The following KLHL3 variants were observed in gnomAD, a reference collection of about 807,000 sequenced individuals.
KLHL3 encodes kelch-like protein 3.
A neutral mutation model predicts 70.5 loss-of-function variants in KLHL3; 19 were observed. The observed-to-expected ratio is 0.27, with a 90% CI of 0.19 to 0.40. The LOEUF (loss-of-function observed/expected upper bound fraction) is 0.40, where lower values mean the gene tolerates loss of function less well. KLHL3 is among the 10% of genes least tolerant of loss of function. KLHL3 has a pLI of 1.00. For missense variants in KLHL3, 512 were observed against 771.1 expected, an observed-to-expected ratio of 0.66 and a Z score of 3.98; for synonymous variants, 258 against 290.3, an observed-to-expected ratio of 0.89 and a Z score of 1.13.
intron 11 of KLHL3, among the ~76,000 whole-genome samples, chr5:137,634,994 G>T (rs11953842): frequency 0.091 from 13,806 of 152,072 alleles, 1,416 homozygotes; most frequent in African/African-American, 0.26. Context: ...TGGGAACAGG[G>T]GGAGGAGTCA....
At chr5:137,679,553 C>T (rs2149908661) in intron 5 of KLHL3, among the ~76,000 whole-genome samples, 1 of 152,280 alleles carries the variant, frequency 6.6e-6, no homozygotes, top group African/African-American at 2.4e-5. Flanking sequence ...TTCCTTAGAG[C>T]TCGTAAGACT....
rs143041463 is a variant in KLHL3 at position 137,715,645 on chromosome 5, A to ACAT, written c.134+4817_134+4819dup. On this transcript the variant is annotated intron_variant, in intron 2 of 14. Transcript: ENST00000309755. Reference sequence around the variant, plus strand: ...TCCTGAACCTAGCACAGTGCTTAGCACATCATCATCATCATCATCATCATA... The same window carrying ACAT: ...TCCTGAACCTAGCACAGTGCTTAGCACATCATCATCATCATCATCATCATCATA... 8.2e-3 allele frequency among the ~76,000 whole-genome samples: 1,243 copies of ACAT among 151,924 alleles called. 18 individuals carry two copies. The highest frequency in any genetic ancestry group is 0.027 in the African/African-American group (1,110 of 41,472).
rs796957196 is a variant in KLHL3, at chr5:137,639,711, C to CAAA, written c.1021+146_1021+148dup. 760 of 503,954 alleles carry CAAA rather than the reference C, an allele frequency of 1.5e-3. No homozygotes were observed. Among genetic ancestry groups the CAAA allele is most frequent in the South Asian group, 2.7e-3 (108 of 39,496 alleles). The allele number at this position is 503,954 out of a possible 1,614,324, so 31.2% of individuals were successfully genotyped here. A position where few individuals can be genotyped will look rare whatever the true frequency, so the allele number is the denominator to read the frequency against. On this transcript the variant is annotated intron_variant, in intron 9 of 14. Transcript: ENST00000309755. The surrounding 1 kb of genome is among the most constrained non-coding windows in gnomAD (Gnocchi z 5.0). ...TCTGTCTTAAAACAACGACAACAAC[C>CAAA]AAAAAAAAAAAAAAAGTGTGCAGGA...
intron 6 of KLHL3, among the ~76,000 whole-genome samples, chr5:137,665,036 C>A (rs1751579531): frequency 6.6e-6 from 1 of 152,144 alleles, no homozygotes; most frequent in East Asian, 1.9e-4. Flanking sequence ...ACAGTATCTC[C>A]TAAGTACAAT....
chr5:137,717,149 A>T (rs910412857), intron 2 of KLHL3, among the ~76,000 whole-genome samples: 1 of 152,204 alleles, frequency 6.6e-6, no homozygotes, highest in Non-Finnish European at 1.5e-5. Context: ...TGAGACCCCT[A>T]TGGCCAAGGA....
intron 14 of KLHL3, among the ~76,000 whole-genome samples, chr5:137,624,304 T>C (rs149357105): frequency 2.6e-5 from 4 of 152,328 alleles, no homozygotes; most frequent in Non-Finnish European, 5.9e-5. Context: ...GAAAGGGACA[T>C]GAAATATTCA....
At chr5:137,634,304 T>C in intron 11 of KLHL3, 139 bp from the exon 12 acceptor site, 1 of 885,860 alleles carries the variant, frequency 1.1e-6, no homozygotes, top group Non-Finnish European at 1.7e-6. Flanking sequence ...GACCACCAAC[T>C]TACTCCTCAA....
chr5:137,667,281 T>A (rs1751636667), intron 6 of KLHL3, among the ~76,000 whole-genome samples: 1 of 152,228 alleles, frequency 6.6e-6, no homozygotes, highest in African/African-American at 2.4e-5. Flanking sequence ...CTATAAAATC[T>A]AAGCAGAGAC....
chr5:137,637,167 T>A (rs1225016266), intron 11 of KLHL3, 127 bp downstream of exon 11: 1 of 680,908 alleles, frequency 1.5e-6, no homozygotes. Flanking sequence ...AGGATAATAG[T>A]ACCTAACCCA....
intron 8 of KLHL3, among the ~76,000 whole-genome samples, chr5:137,645,963 T>C (rs1305328327): frequency 6.6e-6 from 1 of 152,046 alleles, no homozygotes; most frequent in Non-Finnish European, 1.5e-5. Flanking sequence ...GAATCTAAAA[T>C]TAGAGAACCT....
At chr5:137,682,669 T>A (rs967696779) in intron 5 of KLHL3, among the ~76,000 whole-genome samples, 1 of 152,176 alleles carries the variant, frequency 6.6e-6, no homozygotes, top group African/African-American at 2.4e-5. Flanking sequence ...ATATCCCTAA[T>A]CACCCTGCTT....
chr5:137,685,067 C>T (rs1413945417), intron 5 of KLHL3, among the ~76,000 whole-genome samples: 2 of 152,142 alleles, frequency 1.3e-5, no homozygotes, highest in Admixed American at 6.6e-5. Flanking sequence ...GCTGGAAAAG[C>T]CGAGGACCTA....
At chr5:137,647,330 G>A (rs1311488217) in intron 8 of KLHL3, among the ~76,000 whole-genome samples, 1 of 152,152 alleles carries the variant, frequency 6.6e-6, no homozygotes, top group East Asian at 1.9e-4. Context: ...CAACCACCCT[G>A]TGTCTGAGAG....
intron 1 of KLHL3, among the ~76,000 whole-genome samples, chr5:137,725,926 C>G (rs1013983379): frequency 6.6e-6 from 1 of 152,238 alleles, no homozygotes; most frequent in African/African-American, 2.4e-5. Flanking sequence ...ACATGTGAGA[C>G]AGTCAAGCTT....
intron 14 of KLHL3, among the ~76,000 whole-genome samples, chr5:137,625,386 T>C (rs1248873581): frequency 6.6e-6 from 1 of 152,200 alleles, no homozygotes; most frequent in African/African-American, 2.4e-5. Context: ...AACAATCGCA[T>C]CTTATGCCAT....
At position 137,620,591 on chromosome 5, in the gene KLHL3, C is replaced by T. The variant is rs1384302346; in HGVS notation, c.*1507G>A. 1 of 152,234 alleles carries T rather than the reference C, an allele frequency of 6.6e-6. No homozygotes were observed. Among genetic ancestry groups the T allele is most frequent in the Admixed American group, 6.5e-5 (1 of 15,290 alleles). The allele number at this position is 152,234 out of a possible 1,614,324, so 9.4% of individuals were successfully genotyped here. On this transcript the variant is annotated 3_prime_UTR_variant, in exon 15 of 15. Coordinates refer to ENST00000309755, the MANE Select transcript of KLHL3 (RefSeq NM_017415.3). ...CCCCTGCTTATGCCAGAAATTTCAG[C>T]ATGAGCAATTTGCTAGTTTAGGAAC... is the stretch of plus-strand genomic sequence containing the variant.
intron 8 of KLHL3, 138 bp downstream of exon 8, chr5:137,657,993 C>A (rs1751384184): frequency 4.0e-6 from 3 of 754,690 alleles, no homozygotes; most frequent in Admixed American, 2.9e-5. Flanking sequence ...GAGGAACCAG[C>A]AGACTCCATC....
intron 1 of KLHL3, among the ~76,000 whole-genome samples, chr5:137,731,676 G>A (rs1753175860): frequency 6.6e-6 from 1 of 152,062 alleles, no homozygotes; most frequent in Non-Finnish European, 1.5e-5. Flanking sequence ...ATAGTGCCCG[G>A]TACATGGTGC....
chr5:137,724,270 T>G (rs538352174), intron 1 of KLHL3, among the ~76,000 whole-genome samples: 2 of 152,292 alleles, frequency 1.3e-5, no homozygotes, highest in African/African-American at 4.8e-5. Context: ...CTAGTAAGAT[T>G]AAAGCACGGA....
Sources: gnomAD v4.1 joint callset for allele counts (sites outside exome capture counted in the v4.1 genomes callset) on GRCh38, gnomAD v4.1.1 for gene constraint, Gnocchi (gnomAD v3.1) non-coding constraint, MANE v1.5 for transcripts, NCBI Gene and HGNC (gene_info 2026-07-23, HGNC 2026-07-21) for gene names.